The following LGR5 variants were observed in gnomAD, a reference collection of about 807,000 sequenced individuals.
LGR5 encodes leucine-rich repeat-containing G protein-coupled receptor 5.
In LGR5, 54 loss-of-function variants were observed where a neutral mutation model predicts 76.7. The ratio of observed to expected loss-of-function variants is 0.70; its 90% CI spans 0.57 to 0.88. The LOEUF (loss-of-function observed/expected upper bound fraction) is 0.88, where lower values mean the gene tolerates loss of function less well. Ranked by LOEUF, LGR5 falls within the 40% of genes least tolerant of loss-of-function variation. The pLI is 0.00. For missense variants in LGR5, 1,078 were observed against 1,073.3 expected, an observed-to-expected ratio of 1.00 and a Z score of -0.06; for synonymous variants, 406 against 421.9, an observed-to-expected ratio of 0.96 and a Z score of 0.46.
intron 8 of LGR5, 136 bp from the exon 9 acceptor site, chr12:71,566,268 G>A (rs1401248273): frequency 3.2e-6 from 2 of 632,828 alleles, no homozygotes; most frequent in Non-Finnish European, 5.4e-6. Context: ...CTGAAACCAA[G>A]GAATTGGGAA....
intron 2 of LGR5, among the ~76,000 whole-genome samples, chr12:71,523,920 A>G (rs1195787206): frequency 6.6e-6 from 1 of 152,208 alleles, no homozygotes; most frequent in Non-Finnish European, 1.5e-5. Flanking sequence ...GAGTTTAGAA[A>G]AAATTGATTG....
At chr12:71,580,513 A>C in intron 16 of LGR5, 90 bp downstream of exon 16, 8 of 1,367,154 alleles carry the variant, frequency 5.9e-6, no homozygotes, top group Non-Finnish European at 8.1e-6. Flanking sequence ...GTCATCGAAC[A>C]GGCCGGGTGT....
At chr12:71,575,175 C>T (rs1878793527) in intron 13 of LGR5, among the ~76,000 whole-genome samples, 1 of 152,060 alleles carries the variant, frequency 6.6e-6, no homozygotes, top group South Asian at 2.1e-4. Flanking sequence ...TAATACCTAC[C>T]TCTTAGGGTT....
chr12:71,501,928 A>C (rs1874626195), intron 1 of LGR5, among the ~76,000 whole-genome samples: 1 of 152,180 alleles, frequency 6.6e-6, no homozygotes, highest in Non-Finnish European at 1.5e-5. Flanking sequence ...AATGCAGGCA[A>C]ATTAATTTTT....
intron 1 of LGR5, among the ~76,000 whole-genome samples, chr12:71,446,210 C>A (rs1016650756): frequency 3.3e-5 from 5 of 152,140 alleles, no homozygotes; most frequent in Admixed American, 3.3e-4. Context: ...ACTACTAGTC[C>A]GCAAGTACAA....
intron 11 of LGR5, among the ~76,000 whole-genome samples, chr12:71,569,562 C>T (rs1461384527): frequency 6.6e-6 from 1 of 152,156 alleles, no homozygotes; most frequent in Non-Finnish European, 1.5e-5. Flanking sequence ...AAAAATAGTT[C>T]AACATCACTG....
chr12:71,584,386 C>T lies in LGR5; in HGVS notation c.2376C>T (p.Asn792=). 6.2e-7 allele frequency: 1 copy of T among 1,614,160 alleles called. No individual in the cohort carries two copies. Among genetic ancestry groups the T allele is most frequent in the Non-Finnish European group, 8.5e-7 (1 of 1,180,004 alleles). The part of the protein sequence containing the change: ...VAFLSFSSLI[N]LTFISPEVIK... ...TCTTGTCCTTCTCCTCTTTAATAAA[C>T]CTTACATTTATCAGTCCTGAAGTAA... The change falls in exon 18 of 18, where the codon AAC becomes AAT. Residue 792 remains asparagine (N), a synonymous_variant. Coordinates refer to ENST00000266674, the MANE Select transcript of LGR5 (RefSeq NM_003667.4).
chr12:71,548,374 A>T (rs1340385693), intron 4 of LGR5, among the ~76,000 whole-genome samples: 2 of 151,716 alleles, frequency 1.3e-5, no homozygotes, highest in Non-Finnish European at 2.9e-5. Context: ...GGCTGAAAAA[A>T]TAAGGGTGAC....
At chr12:71,481,342 C>T (rs1326548108) in intron 1 of LGR5, among the ~76,000 whole-genome samples, 1 of 152,002 alleles carries the variant, frequency 6.6e-6, no homozygotes, top group Non-Finnish European at 1.5e-5. Flanking sequence ...TGAGAACATG[C>T]AGTGTTTGGT....
intron 1 of LGR5, among the ~76,000 whole-genome samples, chr12:71,470,050 C>T (rs1299810479): frequency 6.6e-6 from 1 of 152,158 alleles, no homozygotes; most frequent in Non-Finnish European, 1.5e-5. Context: ...ACCAGGGAGA[C>T]ATTTCTACCT....
intron 4 of LGR5, among the ~76,000 whole-genome samples, chr12:71,545,134 TAA>T (rs1877088484): frequency 6.6e-6 from 1 of 151,840 alleles, no homozygotes; most frequent in African/African-American, 2.4e-5. Flanking sequence ...AAAATAAAAA[TAA>T]AAATAAATCT....
At chr12:71,522,093 G>A (rs138186818) in intron 2 of LGR5, among the ~76,000 whole-genome samples, 11 of 152,192 alleles carry the variant, frequency 7.2e-5, no homozygotes, top group East Asian at 5.8e-4. Context: ...GAATGTGGAG[G>A]GCATGTCTAA....
intron 12 of LGR5, among the ~76,000 whole-genome samples, chr12:71,572,371 C>T (rs1003321392): frequency 1.3e-5 from 2 of 152,176 alleles, no homozygotes; most frequent in Admixed American, 6.5e-5. Flanking sequence ...CGTGAGCCAC[C>T]GCGCCCGGCC....
intron 2 of LGR5, among the ~76,000 whole-genome samples, chr12:71,518,733 AAC>A (rs1875571073): frequency 6.6e-6 from 1 of 152,176 alleles, no homozygotes; most frequent in South Asian, 2.1e-4. Flanking sequence ...TCAGTGAACT[AAC>A]ACAGGAACAG....
intron 1 of LGR5, among the ~76,000 whole-genome samples, chr12:71,445,831 G>A (rs1354245789): frequency 6.6e-6 from 1 of 152,224 alleles, no homozygotes; most frequent in East Asian, 1.9e-4. Flanking sequence ...ATAAGCAGAA[G>A]TGCTTCCGTA....
In LGR5 at chr12:71,439,967, G is replaced by A. The variant is rs1189890788; in HGVS notation, c.-114G>A. 1 of 930,992 alleles carries A rather than the reference G, an allele frequency of 1.1e-6. No homozygotes were observed. The highest frequency in any genetic ancestry group is 1.7e-5 in the African/African-American group (1 of 57,844). The allele number at this position is 930,992 out of a possible 1,614,324, so 57.7% of individuals were successfully genotyped here. On this transcript the variant is annotated 5_prime_UTR_variant, in exon 1 of 18. Transcript: ENST00000266674. Reference sequence around the variant, plus strand: ...CAGGAACGCGGCGTCTGGCGCTGCAGACGCCCGCTGAGTTGCAGAAGCCCA... The same window carrying A: ...CAGGAACGCGGCGTCTGGCGCTGCAAACGCCCGCTGAGTTGCAGAAGCCCA...
intron 17 of LGR5, 102 bp from the exon 18 acceptor site, chr12:71,583,545 C>A: frequency 7.4e-7 from 1 of 1,355,226 alleles, no homozygotes; most frequent in Non-Finnish European, 1.0e-6. Context: ...CTGTTTTTGA[C>A]CATTATCTCT....
chr12:71,520,316 A>T (rs1565715429), intron 2 of LGR5, among the ~76,000 whole-genome samples: 1 of 152,224 alleles, frequency 6.6e-6, no homozygotes, highest in Non-Finnish European at 1.5e-5. Flanking sequence ...AAAACATTAT[A>T]TGATTCCACT....
intron 1 of LGR5, among the ~76,000 whole-genome samples, chr12:71,498,433 C>T (rs1383573663): frequency 6.6e-6 from 1 of 152,216 alleles, no homozygotes; most frequent in Non-Finnish European, 1.5e-5. Flanking sequence ...ATCCAGTGTC[C>T]TCTGGGGGTC....
Sources: gnomAD v4.1 joint callset for allele counts (sites outside exome capture counted in the v4.1 genomes callset) on GRCh38, gnomAD v4.1.1 for gene constraint, MANE v1.5 for transcripts, NCBI Gene and HGNC (gene_info 2026-07-23, HGNC 2026-07-21) for gene names.